Variants in NXF1 observed in about 807,000 individuals in gnomAD.
NXF1 encodes mRNA export factor TAP.
NXF1 carries 43 observed loss-of-function variants against 92.4 expected under a neutral mutation model. The ratio of observed to expected loss-of-function variants is 0.47; its 90% CI spans 0.36 to 0.60. The LOEUF is 0.60. Ranked by LOEUF, NXF1 falls within the 20% of genes least tolerant of loss-of-function variation. The pLI, the probability that NXF1 is intolerant of heterozygous loss-of-function variation, is 0.00. For synonymous variants in NXF1, 288 were observed against 292.2 expected, an observed-to-expected ratio of 0.99 and a Z score of 0.15; for missense variants, 576 against 793.0, an observed-to-expected ratio of 0.73 and a Z score of 3.29.
intron 4 of NXF1, 40 bp downstream of exon 4, chr11:62,802,137 C>G: frequency 6.2e-7 from 1 of 1,608,970 alleles, no homozygotes; most frequent in Admixed American, 1.7e-5. Context: ...CTTCACCATC[C>G]CTGGTGCCTG....
chr11:62,792,340 A>G lies in NXF1; in HGVS notation c.*136T>C. ...TTCCAGAAGGCAGGCGAGGAGAGGG[A>G]TCAGGCAGCCCTCCCTCCCTCGGTC... On this transcript the variant is annotated 3_prime_UTR_variant, in exon 21 of 21. Coordinates refer to ENST00000294172, the MANE Select transcript of NXF1 (RefSeq NM_006362.5). 9.5e-7 allele frequency: 1 copy of G among 1,053,166 alleles called. No individual in the cohort carries two copies. Among genetic ancestry groups the G allele is most frequent in the Non-Finnish European group, 1.5e-6 (1 of 680,994 alleles). 65.2% of individuals were successfully genotyped at this position (1,053,166 alleles called of 1,614,324 possible).
At chr11:62,796,854 G>A (rs1008694884) in intron 13 of NXF1, 1 of 536,296 alleles carries the variant, frequency 1.9e-6, no homozygotes, top group Non-Finnish European at 3.3e-6. Context: ...GGATCATGAG[G>A]TCAGGAGTTG....
At chr11:62,797,530 C>A in intron 11 of NXF1, 144 bp from the exon 12 acceptor site, 1 of 680,774 alleles carries the variant, frequency 1.5e-6, no homozygotes, top group Non-Finnish European at 2.5e-6. Context: ...GTGGCAAAAC[C>A]CATCTCTACC....
At chr11:62,792,753 G>C in intron 19 of NXF1, 52 bp from the exon 20 acceptor site, 2 of 1,586,148 alleles carry the variant, frequency 1.3e-6, no homozygotes, top group Non-Finnish European at 1.7e-6. Flanking sequence ...GTAAATGCCA[G>C]CTGAAAGTCC....
intron 3 of NXF1, 77 bp from the exon 4 acceptor site, chr11:62,802,337 C>T (rs1206540469): frequency 4.2e-6 from 5 of 1,201,814 alleles, no homozygotes; most frequent in South Asian, 2.6e-5. Flanking sequence ...GCCTTTTATA[C>T]CTTCTACCAA....
At chr11:62,795,312 C>T (rs1004748613) in intron 17 of NXF1, 6 of 259,368 alleles carry the variant, frequency 2.3e-5, no homozygotes, top group African/African-American at 1.3e-4. Flanking sequence ...CCCTTCTCTA[C>T]TAAAAATACA....
intron 7 of NXF1, 37 bp downstream of exon 7, chr11:62,801,525 T>A (rs765626592): frequency 6.2e-7 from 1 of 1,611,400 alleles, no homozygotes; most frequent in African/African-American, 1.3e-5. Context: ...TCCCACCTTA[T>A]CACCACCTAT....
rs1174040865 is a variant in NXF1 at position 62,800,370 on chromosome 11, A to T, written c.1016+7T>A. The T allele has an allele frequency of 6.2e-7, 1 of 1,613,878 alleles. No homozygotes were observed. The highest frequency in any genetic ancestry group is 1.3e-5 in the African/African-American group (1 of 74,898). ...CCCCAGGAGGGGAGACACAGGCTAC[A>T]ACTGACCTGATGTAGGTGGACTGGT... On this transcript the variant is annotated splice_region_variant and intron_variant, in intron 10 of 20. Transcript: ENST00000294172.
At chr11:62,804,254 A>T in intron 1 of NXF1, 1 of 1,409,710 alleles carries the variant, frequency 7.1e-7, no homozygotes, top group Non-Finnish European at 9.4e-7. Flanking sequence ...GAGACCCAAA[A>T]GTGTAACTGA....
chr11:62,802,743 C>A (rs1044814759), intron 3 of NXF1, among the ~76,000 whole-genome samples: 6 of 152,028 alleles, frequency 3.9e-5, no homozygotes, highest in Admixed American at 2.0e-4. Flanking sequence ...AGCCCATTTA[C>A]ACTTATAATC....
At chr11:62,804,733 T>C (rs1240687217) in intron 1 of NXF1, among the ~76,000 whole-genome samples, 1 of 152,146 alleles carries the variant, frequency 6.6e-6, no homozygotes, top group African/African-American at 2.4e-5. Flanking sequence ...AGGCACTTGA[T>C]AGGAATGATC....
rs892903766 is a variant in NXF1 at position 62,805,420 on chromosome 11, C to T, written c.-64G>A. 4.7e-5 allele frequency: 75 copies of T among 1,604,716 alleles called. No homozygotes were observed. Among genetic ancestry groups the T allele is most frequent in the Non-Finnish European group, 5.7e-5 (67 of 1,176,000 alleles). On this transcript the variant is annotated 5_prime_UTR_variant, in exon 1 of 21. Transcript: ENST00000294172. The stretch of plus-strand genomic sequence containing the variant: ...GCTACGCCGGCAAACAACCTAACTC[C>T]CAAGCGCTCAGGACCGAAGTGTCCC...
At chr11:62,796,225 T>C (rs754611661) in intron 15 of NXF1, 44 bp from the exon 16 acceptor site, 12 of 1,612,634 alleles carry the variant, frequency 7.4e-6, no homozygotes, top group Admixed American at 1.7e-5. Flanking sequence ...CACACACTCC[T>C]GAGTTCTGAC....
intron 17 of NXF1, among the ~76,000 whole-genome samples, chr11:62,795,562 C>T (rs1439254676): frequency 6.6e-6 from 1 of 152,200 alleles, no homozygotes; most frequent in African/African-American, 2.4e-5. Context: ...CAGTTTACTT[C>T]CTATAGCACC....
intron 19 of NXF1, 139 bp from the exon 20 acceptor site, chr11:62,792,840 CATT>C (rs1373705660): frequency 4.4e-6 from 3 of 688,818 alleles, no homozygotes; most frequent in Non-Finnish European, 7.5e-6. Context: ...ACAAATGAGA[CATT>C]AGTAAAAGTC....
rs1469923481 is a variant in NXF1 at position 62,796,501 on chromosome 11, G to A, written c.1245C>T (p.Cys415=). The A allele has an allele frequency of 6.2e-7, 1 of 1,614,022 alleles. No homozygotes were observed. Among genetic ancestry groups the A allele is most frequent in the African/African-American group, 1.3e-5 (1 of 74,898 alleles). ...GLLDAYHDGA[C]CSLSIPFIPQ... ...GAATGAAAGGAATGCTCAGGGAACA[G>A]CAGGCCCCATCATGGTAGGCATCCA... The change falls in exon 14 of 21, where the codon TGC becomes TGT. Residue 415 remains cysteine (C), a synonymous_variant. Transcript: ENST00000294172.
Position 62,797,080 on chromosome 11 carries a change from A to AG in NXF1, c.1178+102_1178+103insC. The AG allele has an allele frequency of 2.7e-6, 3 of 1,097,950 alleles. No individual in the cohort carries two copies. In the East Asian group the frequency reaches 7.4e-5, roughly 27 times the overall value. The allele number at this position is 1,097,950 out of a possible 1,614,324, so 68.0% of individuals were successfully genotyped here. A position where few individuals can be genotyped will look rare whatever the true frequency, so the allele number is the denominator to read the frequency against. On this transcript the variant is annotated intron_variant, in intron 13 of 20. Transcript: ENST00000294172. ...GAGACACTGTCCAAAAAAAAAAAAA[A>AG]AAACAAAACAAAAAACAAAACAAAA...
chr11:62,802,130 C>G (rs902275772), intron 4 of NXF1, 47 bp downstream of exon 4: 21 of 1,609,566 alleles, frequency 1.3e-5, no homozygotes, highest in African/African-American at 2.7e-5. Context: ...CTTGCCCCTT[C>G]ACCATCCCTG....
Position 62,801,598 on chromosome 11 carries a change from G to T in NXF1, c.673C>A (p.Gln225Lys). 3 of 1,614,134 alleles carry T rather than the reference G, an allele frequency of 1.9e-6. No homozygotes were observed. The highest frequency in any genetic ancestry group is 2.5e-6 in the Non-Finnish European group (3 of 1,180,026). Residue 225 changes from glutamine to lysine, a missense_variant, in exon 7 of 21, where the codon CAA becomes AAA. Transcript: ENST00000294172. ...IMSKRYDGSQ[Q>K]ALDLKGLRSD... Reference sequence around the variant, plus strand: ...CGGAGGCCTTTGAGGTCAAGGGCTTGTTGGGAGCCATCGTATCGTTTGCTC... The same window carrying T: ...CGGAGGCCTTTGAGGTCAAGGGCTTTTTGGGAGCCATCGTATCGTTTGCTC...
Sources: allele counts gnomAD v4.1 joint callset (sites outside exome capture counted in the v4.1 genomes callset), GRCh38; gene constraint gnomAD v4.1.1; transcripts MANE v1.5; gene names NCBI Gene and HGNC (gene_info 2026-07-23, HGNC 2026-07-21).